Variants in CRPPA observed in about 807,000 individuals in gnomAD.
The protein encoded by CRPPA is CDP-L-ribitol pyrophosphorylase A.
Under a neutral mutation model 52.0 loss-of-function variants are expected in CRPPA, and 43 were observed. The observed-to-expected ratio is 0.83, with a 90% CI of 0.65 to 1.07. CRPPA has a LOEUF of 1.07. CRPPA is among the 50% of genes least tolerant of loss of function. CRPPA has a pLI of 0.00. For synonymous variants in CRPPA, 250 were observed against 203.5 expected, an observed-to-expected ratio of 1.23 and a Z score of -1.94; for missense variants, 629 against 551.7, an observed-to-expected ratio of 1.14 and a Z score of -1.40.
intron 9 of CRPPA, among the ~76,000 whole-genome samples, chr7:16,136,242 A>C: frequency 6.6e-6 from 1 of 152,214 alleles, no homozygotes; most frequent in East Asian, 1.9e-4. Context: ...TGATATTTTA[A>C]AAGTTTAAAA....
intron 9 of CRPPA, among the ~76,000 whole-genome samples, chr7:16,144,231 A>T (rs1477184527): frequency 6.6e-6 from 1 of 152,186 alleles, no homozygotes; most frequent in Non-Finnish European, 1.5e-5. Flanking sequence ...CCTTTCACCA[A>T]AAATCCAGGG....
chr7:16,272,786 A>G (rs1784118050), intron 6 of CRPPA, among the ~76,000 whole-genome samples: 1 of 152,172 alleles, frequency 6.6e-6, no homozygotes, highest in Admixed American at 6.5e-5. Flanking sequence ...TAATTAGTAG[A>G]GACCATTTTG....
At chr7:16,216,756 G>A (rs1401658829) in intron 8 of CRPPA, among the ~76,000 whole-genome samples, 9 of 152,210 alleles carry the variant, frequency 5.9e-5, no homozygotes, top group South Asian at 2.1e-4. Context: ...GGCGCACCAC[G>A]AGATTATATC....
At chr7:16,407,019 A>G (rs1192476979) in intron 1 of CRPPA, among the ~76,000 whole-genome samples, 2 of 152,200 alleles carry the variant, frequency 1.3e-5, no homozygotes, top group Admixed American at 6.5e-5. Flanking sequence ...TCTGTGCCCC[A>G]TGCTGGAATA....
intron 8 of CRPPA, among the ~76,000 whole-genome samples, chr7:16,223,585 A>T (rs1171509193): frequency 6.6e-6 from 1 of 152,198 alleles, no homozygotes; most frequent in African/African-American, 2.4e-5. Flanking sequence ...ATGAAACTTA[A>T]GCATATACTT....
chr7:16,310,505 C>T (rs2023935), intron 3 of CRPPA, among the ~76,000 whole-genome samples: 4 of 151,900 alleles, frequency 2.6e-5, no homozygotes, highest in Non-Finnish European at 5.9e-5. Flanking sequence ...TCGAGAAAAT[C>T]GAAACTGCAA....
At chr7:16,212,057 T>C (rs949614059) in intron 9 of CRPPA, among the ~76,000 whole-genome samples, 4 of 152,198 alleles carry the variant, frequency 2.6e-5, no homozygotes, top group African/African-American at 7.2e-5. Flanking sequence ...TACAAATTTT[T>C]TTTTAAAAAA....
intron 3 of CRPPA, among the ~76,000 whole-genome samples, chr7:16,347,426 C>A (rs1040159033): frequency 7.9e-5 from 12 of 152,124 alleles, no homozygotes; most frequent in Non-Finnish European, 1.8e-4. Flanking sequence ...GTTGTTCCTG[C>A]CTCAGTCAAG....
intron 3 of CRPPA, among the ~76,000 whole-genome samples, chr7:16,328,293 C>T (rs578169561): frequency 2.0e-4 from 31 of 152,050 alleles, no homozygotes; most frequent in African/African-American, 7.0e-4. Context: ...TATACCTGGA[C>T]GTTTCATTAC....
intron 8 of CRPPA, among the ~76,000 whole-genome samples, chr7:16,225,937 G>A (rs1016119228): frequency 2.0e-5 from 3 of 151,628 alleles, no homozygotes; most frequent in Admixed American, 6.6e-5. Context: ...AAACTTTTTA[G>A]AAGATGAGGT....
rs1029265578 is a variant in CRPPA at position 16,298,449 on chromosome 7, T to C, written c.835+2972A>G. Among the ~76,000 whole-genome samples the C allele has an allele frequency of 3.3e-5, 5 of 152,326 alleles. No homozygotes were observed. The East Asian group carries it at 9.6e-4, about 29-fold the overall frequency. ...TTTAGAACTCTCAAATACCCTATTA[T>C]ATGGAAACAATAACACTACTATAAT... On this transcript the variant is annotated intron_variant, in intron 5 of 9. Coordinates refer to ENST00000407010, the MANE Select transcript of CRPPA (RefSeq NM_001101426.4).
chr7:16,091,736 C>A lies in CRPPA; in HGVS notation c.1315G>T (p.Glu439Ter), dbSNP rs1202301143. 1.9e-6 allele frequency: 3 copies of A among 1,563,262 alleles called. No homozygotes were observed. The Admixed American group carries it at 5.7e-5, about 30-fold the overall frequency. ...TGACCAATGAGTCCAGAATTTCTTT[C>A]CTTGATTAATGAAGCAATAATGATA... is the stretch of plus-strand genomic sequence containing the variant. ...GAIIIASLIK[E>*]RNSGLIGQLL... is the part of the protein sequence containing the mutation. The change falls in exon 10 of 10, where the codon GAA becomes TAA. Residue 439 changes from glutamate to a stop codon, truncating the protein, a stop_gained. Transcript: ENST00000407010. LOFTEE classifies it high-confidence loss of function.
chr7:16,140,748 G>A (rs1782853979), intron 9 of CRPPA, among the ~76,000 whole-genome samples: 3 of 152,140 alleles, frequency 2.0e-5, no homozygotes, highest in Admixed American at 2.0e-4. Flanking sequence ...AGCATCTCCT[G>A]TATATCTTTT....
intron 5 of CRPPA, among the ~76,000 whole-genome samples, chr7:16,286,041 ATAAAT>A (rs1784428905): frequency 5.7e-4 from 7 of 12,326 alleles, no homozygotes; most frequent in Admixed American, 1.5e-3. Context: ...AAAAAAAAAT[ATAAAT>A]ATATATATAT....
intron 9 of CRPPA, among the ~76,000 whole-genome samples, chr7:16,117,326 G>A (rs536580753): frequency 3.9e-5 from 6 of 152,262 alleles, no homozygotes; most frequent in South Asian, 2.1e-4. Context: ...CTTTGGAAGC[G>A]ACTCTGAACT....
At chr7:16,335,122 C>T (rs1041075524) in intron 3 of CRPPA, among the ~76,000 whole-genome samples, 2 of 124,672 alleles carry the variant, frequency 1.6e-5, no homozygotes, top group East Asian at 2.5e-4. Flanking sequence ...GAGTTCAAGA[C>T]CAGCCTGGCA....
Position 16,123,080 on chromosome 7 carries a change from C to T in CRPPA, c.1252-31281G>A, listed in dbSNP as rs181767515. Among the ~76,000 whole-genome samples the T allele has an allele frequency of 3.7e-4, 56 of 152,010 alleles. No individual in the cohort carries two copies. The East Asian group carries it at 4.8e-3, about 13-fold the overall frequency. On this transcript the variant is annotated intron_variant, in intron 9 of 9. Transcript: ENST00000407010. The stretch of plus-strand genomic sequence containing the variant: ...TATGAGGTTATAGGGGCACAAAAGC[C>T]GATGCAAAGAACTTTTAATATCTTA...
chr7:16,281,738 CT>C (rs1784325016), intron 5 of CRPPA, among the ~76,000 whole-genome samples: 3 of 152,122 alleles, frequency 2.0e-5, no homozygotes. Flanking sequence ...TGTGGGAGAG[CT>C]TTTAATAAAA....
chr7:16,168,688 C>T (rs1781117156), intron 9 of CRPPA, among the ~76,000 whole-genome samples: 1 of 151,998 alleles, frequency 6.6e-6, no homozygotes, highest in African/African-American at 2.4e-5. Flanking sequence ...ATTAGGGTAT[C>T]TATCTAGAAT....
Sources: gnomAD v4.1 joint callset for allele counts (sites outside exome capture counted in the v4.1 genomes callset) on GRCh38, gnomAD v4.1.1 for gene constraint, MANE v1.5 for transcripts, NCBI Gene and HGNC (gene_info 2026-07-23, HGNC 2026-07-21) for gene names.